The following PPP2R5B variants were observed in gnomAD, a reference collection of about 807,000 sequenced individuals.
PPP2R5B encodes protein phosphatase 2 regulatory subunit B'beta.
In PPP2R5B, 19 loss-of-function variants were observed where a neutral mutation model predicts 59.9. The ratio of observed to expected loss-of-function variants is 0.32; its 90% CI spans 0.22 to 0.47. The LOEUF is 0.47. Among genes scored for constraint, PPP2R5B ranks in the 20% least tolerant of loss-of-function variants. The pLI, the probability that PPP2R5B is intolerant of heterozygous loss-of-function variation, is 1.00. For missense variants in PPP2R5B, 441 were observed against 640.2 expected (o/e 0.69, Z 3.36); for synonymous variants, 286 against 260.5 (o/e 1.10, Z -0.94).
upstream of PPP2R5B, among the ~76,000 whole-genome samples, chr11:64,921,734 CT>C (rs1410410273): frequency 6.6e-6 from 1 of 152,200 alleles, no homozygotes; most frequent in East Asian, 1.9e-4. Context: ...CTCCAGGTAG[CT>C]CAGGGGCAGC....
chr11:64,933,943 C>G lies in PPP2R5B; in HGVS notation c.*99C>G. The G allele has an allele frequency of 7.3e-7, 1 of 1,363,362 alleles. No homozygotes were observed. 84.5% of individuals were successfully genotyped at this position (1,363,362 alleles called of 1,614,324 possible). On this transcript the variant is annotated 3_prime_UTR_variant, in exon 14 of 14. Coordinates refer to ENST00000164133, the MANE Select transcript of PPP2R5B (RefSeq NM_006244.4). ...AGAGAGAAACACACCTACCCCTGGC[C>G]TTGCCAGAGTGGCTTCTGAGGACTC...
chr11:64,933,964 G>C lies in PPP2R5B; in HGVS notation c.*120G>C. On this transcript the variant is annotated 3_prime_UTR_variant, in exon 14 of 14. Coordinates refer to ENST00000164133, the MANE Select transcript of PPP2R5B (RefSeq NM_006244.4). ...TGGCCTTGCCAGAGTGGCTTCTGAG[G>C]ACTCCCTGCCCAGCCCAGCTTTCAC... 1 of 1,263,690 alleles carries C rather than the reference G, an allele frequency of 7.9e-7. No individual in the cohort carries two copies. Among genetic ancestry groups the C allele is most frequent in the Non-Finnish European group, 1.0e-6 (1 of 958,140 alleles). The allele number at this position is 1,263,690 out of a possible 1,614,324, so 78.3% of individuals were successfully genotyped here. A position where few individuals can be genotyped will look rare whatever the true frequency, so the allele number is the denominator to read the frequency against.
Position 64,928,134 on chromosome 11 carries a change from T to A in PPP2R5B, c.567T>A (p.Tyr189Ter). The A allele has an allele frequency of 6.2e-7, 1 of 1,614,192 alleles. No homozygotes were observed. The highest frequency in any genetic ancestry group is 8.5e-7 in the Non-Finnish European group (1 of 1,180,028). ...TCCAGCCCTCCGTGGCCAAGAGATA[T>A]GTGGATCAAAAGTTTGTCCTGATGG... Reference protein sequence around the residue: ...PDFQPSVAKRYVDQKFVLMLL... With the variant: ...PDFQPSVAKR The change falls in exon 5 of 14, where the codon TAT becomes TAA. Residue 189 changes from tyrosine (Y) to a stop codon, truncating the protein, a stop_gained. Transcript: ENST00000164133. LOFTEE classifies it high-confidence loss of function.
In PPP2R5B at chr11:64,934,355, A is replaced by G. The variant is rs1945264414; in HGVS notation, c.*511A>G. 3 of 256,554 alleles carry G rather than the reference A, an allele frequency of 1.2e-5. No individual in the cohort carries two copies. The highest frequency in any genetic ancestry group is 4.5e-5 in the African/African-American group (2 of 44,296). 15.9% of individuals were successfully genotyped at this position (256,554 alleles called of 1,614,324 possible). ...CCCTTTTTATTTATTGGGCAGGGGG[A>G]GGGGGAGGGCACAGGCAAGAAGAGA... On this transcript the variant is annotated 3_prime_UTR_variant, in exon 14 of 14. Transcript: ENST00000164133.
intron 2 of PPP2R5B, 109 bp from the exon 3 acceptor site, chr11:64,926,603 G>A (rs1945166305): frequency 2.5e-6 from 3 of 1,194,656 alleles, no homozygotes; most frequent in Non-Finnish European, 3.6e-6. Context: ...AGAGCATGGG[G>A]CCTGGGGGCA....
At position 64,933,761 on chromosome 11, in the gene PPP2R5B, C is replaced by T. The variant is rs1424367874; in HGVS notation, c.1411C>T (p.Arg471Trp). ...WQGLEELRLRRLQGTQGAKEA... is the reference protein window; with the variant it reads ...WQGLEELRLRWLQGTQGAKEA... ...AGGTCTGGAGGAGCTGCGGCTACGC[C>T]GGCTACAGGGGACCCAGGGGGCCAA... Residue 471 changes from arginine (R) to tryptophan (W), a missense_variant, in exon 14 of 14, where the codon CGG becomes TGG. By Grantham distance (101) the Arg-to-Trp change is moderately radical (BLOSUM62 -3). Around this residue, in one of 3 missense-constraint regions of PPP2R5B, gnomAD observed 70 missense variants for 64.2 expected, o/e 1.09. Coordinates refer to ENST00000164133, the MANE Select transcript of PPP2R5B (RefSeq NM_006244.4). 1.7e-5 allele frequency: 27 copies of T among 1,555,838 alleles called. No homozygotes were observed. The highest frequency in any genetic ancestry group is 4.7e-5 in the South Asian group (4 of 84,370).
rs1945145965 is a variant in PPP2R5B, at chr11:64,925,146, G to A, written c.-265+118G>A. ...GGACAGCACCTCCAGTCTTGGGGTT[G>A]TCCCAAGTGGCCGGGATTAGTGGAG... On this transcript the variant is annotated intron_variant, in intron 1 of 13. Coordinates refer to ENST00000164133, the MANE Select transcript of PPP2R5B (RefSeq NM_006244.4). This position sits in a 1 kb window ranked among gnomAD's most constrained non-coding sequence, Gnocchi z 4.6. 6.5e-6 allele frequency: 1 copy of A among 152,914 alleles called. No individual in the cohort carries two copies. Among genetic ancestry groups the A allele is most frequent in the African/African-American group, 2.4e-5 (1 of 41,470 alleles). 9.5% of individuals were successfully genotyped at this position (152,914 alleles called of 1,614,324 possible). A position where few individuals can be genotyped will look rare whatever the true frequency, so the allele number is the denominator to read the frequency against.
rs749389057 is a variant in PPP2R5B at position 64,933,203 on chromosome 11, C to T, written c.1303C>T (p.Leu435=). Residue 435 remains leucine (L), a synonymous_variant, in exon 13 of 14, where the codon CTG becomes TTG. Transcript: ENST00000164133. ...LKTFMEMNGK[L]FDELTASYKL... ...GACCTTCATGGAGATGAATGGGAAG[C>T]TGTTTGATGAGCTCACAGCCTCCTA... 2.5e-6 allele frequency: 4 copies of T among 1,613,224 alleles called. No homozygotes were observed. In the African/African-American group the frequency reaches 5.3e-5, roughly 22 times the overall value.
chr11:64,920,910 G>C (rs1023779182), upstream of PPP2R5B, among the ~76,000 whole-genome samples: 1 of 150,046 alleles, frequency 6.7e-6, no homozygotes, highest in Non-Finnish European at 1.5e-5. Flanking sequence ...TTACAGGTGT[G>C]AGCCACTGCG....
At chr11:64,932,599 T>C (rs1945238648) in intron 11 of PPP2R5B, among the ~76,000 whole-genome samples, 166 bp from the exon 12 acceptor site, 1 of 152,164 alleles carries the variant, frequency 6.6e-6, no homozygotes, top group Non-Finnish European at 1.5e-5. Flanking sequence ...TATCTAGAAC[T>C]CTTTTCCCTT....
chr11:64,921,632 G>C (rs187062777), upstream of PPP2R5B, among the ~76,000 whole-genome samples: 2 of 152,176 alleles, frequency 1.3e-5, no homozygotes, highest in African/African-American at 4.8e-5. Flanking sequence ...TTTCATGGAG[G>C]AAGAGAGGCC....
intron 13 of PPP2R5B, 32 bp downstream of exon 13, chr11:64,933,278 G>A: frequency 6.4e-7 from 1 of 1,550,786 alleles, no homozygotes; most frequent in South Asian, 1.1e-5. Flanking sequence ...TGGGGGAAGG[G>A]AGAAGAGCAG....
intron 6 of PPP2R5B, among the ~76,000 whole-genome samples, chr11:64,928,932 C>T (rs956812485): frequency 6.6e-6 from 1 of 151,374 alleles, no homozygotes; most frequent in Admixed American, 6.6e-5. Flanking sequence ...CATGCCACTG[C>T]ACTCCAGCCT....
Position 64,932,906 on chromosome 11 carries a change from CATGACCTAACTCA to C in PPP2R5B, c.1244+15_1244+27del. ...GCACTGGAACCAGTGAGTGCCAGGCCATGACCTAACTCACAGAAACTGGGACCAGGGCCAGCCA... is the reference window on the plus strand; with the variant it reads ...GCACTGGAACCAGTGAGTGCCAGGCCCAGAAACTGGGACCAGGGCCAGCCA... On this transcript the variant is annotated intron_variant, in intron 12 of 13. Transcript: ENST00000164133. The C allele has an allele frequency of 2.5e-6, 4 of 1,613,466 alleles. No homozygotes were observed. The highest frequency in any genetic ancestry group is 2.5e-6 in the Non-Finnish European group (3 of 1,179,632).
chr11:64,925,990 A>T lies in PPP2R5B; in HGVS notation c.199+57A>T. ...AACCCCCGAGGGGACCAGCAGGGCC[A>T]TGGGGAGGGGTGGGAGGCAGCGGGC... is the stretch of plus-strand genomic sequence containing the variant. On this transcript the variant is annotated intron_variant, in intron 2 of 13. Transcript: ENST00000164133. This position sits in a 1 kb window ranked among gnomAD's most constrained non-coding sequence, Gnocchi z 4.6. The T allele has an allele frequency of 6.5e-7, 1 of 1,540,576 alleles. No homozygotes were observed. The highest frequency in any genetic ancestry group is 2.3e-5 in the East Asian group (1 of 43,570).
At position 64,931,714 on chromosome 11, in the gene PPP2R5B, C is replaced by T. The variant is rs372816747; in HGVS notation, c.997-35C>T. ...TGTAGGGGGAGATGTGAGCTGCTGC[C>T]CCTCTGTCCCTACTCCCCTCCCCAA... is the stretch of plus-strand genomic sequence containing the variant. On this transcript the variant is annotated intron_variant, in intron 10 of 13. Transcript: ENST00000164133. This position sits in a 1 kb window ranked among gnomAD's most constrained non-coding sequence, Gnocchi z 5.0. 2.2e-4 allele frequency: 347 copies of T among 1,613,822 alleles called. No individual in the cohort carries two copies. Among genetic ancestry groups the T allele is most frequent in the Non-Finnish European group, 2.9e-4 (340 of 1,179,894 alleles).
At chr11:64,923,297 TCTC>T (rs1269156175), upstream of PPP2R5B, among the ~76,000 whole-genome samples, 1 of 152,176 alleles carries the variant, frequency 6.6e-6, no homozygotes, top group African/African-American at 2.4e-5. Flanking sequence ...GCAAGGCGCT[TCTC>T]CTCTCTAGGC....
chr11:64,927,972 C>T, intron 4 of PPP2R5B, 69 bp downstream of exon 4: 1 of 1,561,812 alleles, frequency 6.4e-7, no homozygotes, highest in African/African-American at 1.4e-5. Context: ...AGAGGGCCTC[C>T]TTAGCCCCTA....
At chr11:64,920,138 A>G (rs1300881546), upstream of PPP2R5B, among the ~76,000 whole-genome samples, 1 of 152,168 alleles carries the variant, frequency 6.6e-6, no homozygotes, top group Non-Finnish European at 1.5e-5. Flanking sequence ...AAGAAAAAAG[A>G]AAAAACACCA....
Sources: gnomAD v4.1 joint callset for allele counts (sites outside exome capture counted in the v4.1 genomes callset) on GRCh38, gnomAD v4.1.1 for gene constraint, gnomAD v4.1.1 regional missense constraint, Gnocchi (gnomAD v3.1) non-coding constraint, MANE v1.5 for transcripts, NCBI Gene and HGNC (gene_info 2026-07-23, HGNC 2026-07-21) for gene names.